The following PRKG1 variants were observed in gnomAD, a reference collection of about 807,000 sequenced individuals.
The protein encoded by PRKG1 is protein kinase cGMP-dependent 1.
Under a neutral mutation model 88.1 loss-of-function variants are expected in PRKG1, and 35 were observed. The ratio of observed to expected loss-of-function variants is 0.40; its 90% CI spans 0.30 to 0.53. The LOEUF is 0.53. Among genes scored for constraint, PRKG1 ranks in the 20% least tolerant of loss-of-function variants. The probability of loss-of-function intolerance (pLI) is 0.59; values close to 1 mark genes in which losing one functional copy is unlikely to be tolerated. For missense variants in PRKG1, 540 were observed against 839.8 expected (o/e 0.64, Z 4.41); for synonymous variants, 303 against 292.5 (o/e 1.04, Z -0.37).
chr10:52,172,602 T>G (rs1192260684), intron 9 of PRKG1, among the ~76,000 whole-genome samples: 1 of 152,222 alleles, frequency 6.6e-6, no homozygotes, highest in Non-Finnish European at 1.5e-5. Flanking sequence ...CTCAGTAGTT[T>G]CATTTGAAAA....
chr10:51,760,472 G>GTTT (rs761249668), intron 3 of PRKG1, among the ~76,000 whole-genome samples: 6 of 110,040 alleles, frequency 5.5e-5, no homozygotes, highest in Admixed American at 8.8e-5. Flanking sequence ...TTGACTTTTC[G>GTTT]TTTTTTTTTT....
At chr10:51,153,122 G>A in intron 1 of PRKG1, 42 bp from the exon 2 acceptor site, 2 of 1,586,576 alleles carry the variant, frequency 1.3e-6, no homozygotes, top group Non-Finnish European at 1.7e-6. Context: ...CTATGAAAGA[G>A]CTTGTCAGAT....
At chr10:51,000,477 T>C (rs1196561180) in intron 1 of PRKG1, among the ~76,000 whole-genome samples, 1 of 152,228 alleles carries the variant, frequency 6.6e-6, no homozygotes, top group East Asian at 1.9e-4. Context: ...TGACTCTGTG[T>C]CACTTAACGC....
chr10:52,231,229 C>T (rs1284511133), intron 9 of PRKG1: 8 of 152,136 alleles, frequency 5.3e-5, no homozygotes, highest in Non-Finnish European at 1.2e-4. Flanking sequence ...GAAACCTGGT[C>T]TCTACAAAAA....
intron 2 of PRKG1, among the ~76,000 whole-genome samples, chr10:51,198,237 A>G (rs1837822439): frequency 6.6e-6 from 1 of 152,068 alleles, no homozygotes; most frequent in South Asian, 2.1e-4. Flanking sequence ...AGTTTGTCAT[A>G]TCTTCTCCCC....
intron 4 of PRKG1, among the ~76,000 whole-genome samples, chr10:51,819,711 G>A (rs1297470244): frequency 6.6e-6 from 1 of 152,168 alleles, no homozygotes; most frequent in Non-Finnish European, 1.5e-5. Flanking sequence ...TGGTGAAAGA[G>A]CCAGAATACA....
At chr10:51,049,577 C>A (rs1309865781) in intron 1 of PRKG1, among the ~76,000 whole-genome samples, 1 of 152,202 alleles carries the variant, frequency 6.6e-6, no homozygotes, top group Non-Finnish European at 1.5e-5. Context: ...TAGATGGGCA[C>A]AGTTGCCTGC....
intron 3 of PRKG1, among the ~76,000 whole-genome samples, chr10:51,505,757 T>C (rs1198762933): frequency 1.3e-5 from 2 of 152,160 alleles, no homozygotes; most frequent in Admixed American, 1.3e-4. Flanking sequence ...TTTATTTGCA[T>C]AGAGGTGTTT....
intron 4 of PRKG1, among the ~76,000 whole-genome samples, chr10:51,857,845 C>T (rs1465998731): frequency 2.6e-5 from 4 of 151,120 alleles, no homozygotes; most frequent in Non-Finnish European, 2.9e-5. Context: ...ATGGAGAGAA[C>T]GTCATTGTAA....
At chr10:52,285,786 A>G (rs1842104824) in intron 14 of PRKG1, among the ~76,000 whole-genome samples, 1 of 152,086 alleles carries the variant, frequency 6.6e-6, no homozygotes, top group African/African-American at 2.4e-5. Flanking sequence ...AGTAACTAGC[A>G]GAGCTCAGGA....
chr10:52,231,491 A>G (rs1157424467), intron 9 of PRKG1: 3 of 152,216 alleles, frequency 2.0e-5, no homozygotes, highest in Non-Finnish European at 4.4e-5. Context: ...AGATCTAGAA[A>G]GTATCCCATT....
At chr10:51,573,577 G>A (rs1837810697) in intron 3 of PRKG1, among the ~76,000 whole-genome samples, 1 of 151,808 alleles carries the variant, frequency 6.6e-6, no homozygotes, top group Admixed American at 6.6e-5. Context: ...TTACCATGAA[G>A]CTAATAAACC....
intron 4 of PRKG1, among the ~76,000 whole-genome samples, chr10:51,890,303 T>C (rs905907468): frequency 6.6e-6 from 1 of 152,262 alleles, no homozygotes; most frequent in African/African-American, 2.4e-5. Flanking sequence ...ACCTAAATAA[T>C]TCCTTTGGAT....
chr10:51,860,491 A>G (rs12764113), intron 4 of PRKG1, among the ~76,000 whole-genome samples: 23,873 of 152,186 alleles, frequency 0.16, 2,358 homozygotes, highest in African/African-American at 0.27. Context: ...AACAAGTCAC[A>G]TGGCCATACC....
intron 14 of PRKG1, among the ~76,000 whole-genome samples, chr10:52,287,402 C>T (rs934991803): frequency 2.0e-5 from 3 of 151,944 alleles, no homozygotes; most frequent in Non-Finnish European, 2.9e-5. Flanking sequence ...CAGCCCTTAA[C>T]AGGCAAATCT....
intron 7 of PRKG1, among the ~76,000 whole-genome samples, chr10:52,066,336 C>A (rs1846353871): frequency 6.6e-6 from 1 of 152,114 alleles, no homozygotes; most frequent in Admixed American, 6.5e-5. Context: ...TTGGTAAGCT[C>A]CTCCAGATAT....
chr10:51,370,377 G>T (rs10997197), intron 2 of PRKG1, among the ~76,000 whole-genome samples: 1 of 151,954 alleles, frequency 6.6e-6, no homozygotes, highest in Non-Finnish European at 1.5e-5. Flanking sequence ...TTTTCCTAGC[G>T]GGATGAGAGT....
chr10:51,075,021 A>G (rs1843911160), intron 1 of PRKG1, 120 bp downstream of exon 1: 1 of 1,364,848 alleles, frequency 7.3e-7, no homozygotes, highest in Non-Finnish European at 9.8e-7. Flanking sequence ...ATCCTCAGAA[A>G]TGTTTCATTT....
chr10:51,219,401 G>A (rs533446169), intron 2 of PRKG1, among the ~76,000 whole-genome samples: 1 of 152,128 alleles, frequency 6.6e-6, no homozygotes, highest in Admixed American at 6.5e-5. Context: ...GGTACACAGT[G>A]GGATGCTGTA....
Sources: allele counts gnomAD v4.1 joint callset (sites outside exome capture counted in the v4.1 genomes callset), GRCh38; gene constraint gnomAD v4.1.1; transcripts MANE v1.5; gene names NCBI Gene and HGNC (gene_info 2026-07-23, HGNC 2026-07-21).